ATP9A: variants seen among roughly 807,000 people sequenced by gnomAD.
ATP9A encodes probable phospholipid-transporting ATPase IIA.
Under a neutral mutation model 144.1 loss-of-function variants are expected in ATP9A, and 52 were observed. The ratio of observed to expected loss-of-function variants is 0.36; its 90% confidence interval spans 0.29 to 0.45. The LOEUF (loss-of-function observed/expected upper bound fraction) is 0.45. Among genes scored for constraint, ATP9A ranks in the 20% least tolerant of loss-of-function variants. ATP9A has a pLI of 1.00. For synonymous variants in ATP9A, 582 were observed against 557.4 expected (o/e 1.04, Z -0.62); for missense variants, 947 against 1,392.7 (o/e 0.68, Z 5.09).
chr20:51,759,138 G>A (rs965669865), intron 1 of ATP9A, among the ~76,000 whole-genome samples: 6 of 152,224 alleles, frequency 3.9e-5, no homozygotes, highest in Admixed American at 2.6e-4. Flanking sequence ...GCAGCTGGGC[G>A]CTGGCAGAGG....
At chr20:51,720,610 G>A (rs1164043248) in intron 3 of ATP9A, among the ~76,000 whole-genome samples, 4 of 152,160 alleles carry the variant, frequency 2.6e-5, no homozygotes, top group African/African-American at 9.7e-5. Context: ...AAGGTGGACG[G>A]ATCACTTGAG....
intron 26 of ATP9A, 128 bp downstream of exon 26, chr20:51,607,399 G>T: frequency 1.3e-6 from 1 of 785,792 alleles, no homozygotes; most frequent in Non-Finnish European, 2.1e-6. Flanking sequence ...TCTCCCCTGG[G>T]TCCCACTGCC....
chr20:51,605,694 C>T (rs561557182), intron 26 of ATP9A, among the ~76,000 whole-genome samples: 1 of 152,190 alleles, frequency 6.6e-6, no homozygotes, highest in South Asian at 2.1e-4. Flanking sequence ...GGGCGGATCA[C>T]TGGAGGCCAG....
At chr20:51,671,407 G>T in intron 11 of ATP9A, 150 bp from the exon 12 acceptor site, 1 of 793,310 alleles carries the variant, frequency 1.3e-6, no homozygotes, top group African/African-American at 1.7e-5. Flanking sequence ...CACAGACTCA[G>T]CAAGAGCCAG....
intron 4 of ATP9A, among the ~76,000 whole-genome samples, chr20:51,705,722 TAATCGAGGC>T (rs1160950382): frequency 2.0e-5 from 3 of 152,248 alleles, no homozygotes; most frequent in Non-Finnish European, 2.9e-5. Context: ...CCACCTGTGA[TAATCGAGGC>T]AACCCCCCAC....
chr20:51,714,626 C>T (rs913091991), intron 3 of ATP9A, among the ~76,000 whole-genome samples: 2 of 152,154 alleles, frequency 1.3e-5, no homozygotes, highest in African/African-American at 4.8e-5. Context: ...CCTCGGCCTC[C>T]CAAAGTGCTG....
intron 13 of ATP9A, among the ~76,000 whole-genome samples, chr20:51,657,793 A>G (rs1404617263): frequency 6.6e-6 from 1 of 152,226 alleles, no homozygotes; most frequent in Non-Finnish European, 1.5e-5. Flanking sequence ...CGTCAGGAAC[A>G]GCCAGAGGAA....
At chr20:51,712,377 A>T (rs1199962565) in intron 4 of ATP9A, among the ~76,000 whole-genome samples, 6 of 152,022 alleles carry the variant, frequency 3.9e-5, no homozygotes, top group African/African-American at 1.2e-4. Context: ...CTGGGCCAAA[A>T]TTTCAATTTT....
At chr20:51,690,966 A>G in intron 7 of ATP9A, 147 bp from the exon 8 acceptor site, 1 of 681,790 alleles carries the variant, frequency 1.5e-6, no homozygotes, top group Non-Finnish European at 2.6e-6. Flanking sequence ...AAGAAGAGGA[A>G]AGTCCTCTGT....
intron 23 of ATP9A, among the ~76,000 whole-genome samples, chr20:51,612,813 C>A (rs1361646952): frequency 2.0e-5 from 3 of 152,132 alleles, no homozygotes; most frequent in African/African-American, 7.2e-5. Context: ...AAGATGGGAA[C>A]AAGATGTTAA....
intron 9 of ATP9A, among the ~76,000 whole-genome samples, chr20:51,686,830 G>A (rs915524602): frequency 2.6e-5 from 4 of 152,048 alleles, no homozygotes; most frequent in Non-Finnish European, 5.9e-5. Flanking sequence ...AGCTACTGGA[G>A]AGGCTGAGGC....
At chr20:51,679,589 A>T (rs1463773669) in intron 9 of ATP9A, among the ~76,000 whole-genome samples, 1 of 152,076 alleles carries the variant, frequency 6.6e-6, no homozygotes, top group Non-Finnish European at 1.5e-5. Context: ...TCACCTCTGC[A>T]GCCCCTCCTT....
At position 51,627,607 on chromosome 20, in the gene ATP9A, T is replaced by A; in HGVS notation, c.1838A>T (p.Asp613Val). The A allele has an allele frequency of 1.2e-6, 2 of 1,614,092 alleles. No individual in the cohort carries two copies. The highest frequency in any genetic ancestry group is 1.7e-6 in the Non-Finnish European group (2 of 1,179,968). The part of the protein sequence containing the change: ...KKSLAEEQYQ[D>V]FEARYVQAKL... ...GGTCCCAGAACAACTTACTTCAAAGTCCTGATACTGCTCCTCTGCAAGAGA... is the reference window on the plus strand; with the variant it reads ...GGTCCCAGAACAACTTACTTCAAAGACCTGATACTGCTCCTCTGCAAGAGA... Residue 613 changes from aspartate to valine, a missense_variant, in exon 17 of 28, where the codon GAC becomes GTC. Around this residue, in one of 2 missense-constraint regions of ATP9A, gnomAD observed 770 missense variants for 1,047.9 expected, o/e 0.73. Coordinates refer to ENST00000338821, the MANE Select transcript of ATP9A (RefSeq NM_006045.3).
At chr20:51,619,114 C>T in intron 19 of ATP9A, 71 bp from the exon 20 acceptor site, 1 of 1,374,440 alleles carries the variant, frequency 7.3e-7, no homozygotes, top group Non-Finnish European at 1.0e-6. Flanking sequence ...CAGTGGCTTC[C>T]AGGAGCCCAC....
chr20:51,718,852 G>T, intron 3 of ATP9A, among the ~76,000 whole-genome samples: 1 of 108,156 alleles, frequency 9.2e-6, no homozygotes, highest in Non-Finnish European at 1.9e-5. Context: ...AAAACAGGCC[G>T]GGTGCAGTAG....
chr20:51,713,790 T>C (rs1274455333), intron 3 of ATP9A, among the ~76,000 whole-genome samples: 1 of 152,206 alleles, frequency 6.6e-6, no homozygotes, highest in East Asian at 1.9e-4. Context: ...AAAGATTCTA[T>C]ACAATTAAAT....
chr20:51,702,365 C>CGTGTGTGTGTGTGTGTGTGT (rs10578719), intron 4 of ATP9A, among the ~76,000 whole-genome samples: 2 of 130,220 alleles, frequency 1.5e-5, no homozygotes, highest in East Asian at 4.3e-4. Flanking sequence ...TGTGTGTGTT[C>CGTGTGTGTGTGTGTGTGTGT]GTGTGTGTGT....
chr20:51,637,306 T>TAAAAAAAAAAAAAAAAAAA (rs3029335), intron 15 of ATP9A, among the ~76,000 whole-genome samples: 1 of 89,946 alleles, frequency 1.1e-5, no homozygotes, highest in Non-Finnish European at 2.0e-5. Context: ...TCCCTAACAT[T>TAAAAAAAAAAAAAAAAAAA]AAAAAAAAAA....
intron 13 of ATP9A, among the ~76,000 whole-genome samples, chr20:51,667,142 G>A (rs1308572124): frequency 2.6e-5 from 4 of 152,208 alleles, no homozygotes; most frequent in African/African-American, 9.6e-5. Context: ...AGGAGTATGA[G>A]GTGAGGTTCA....
Sources: allele counts gnomAD v4.1 joint callset (sites outside exome capture counted in the v4.1 genomes callset), GRCh38; gene constraint gnomAD v4.1.1; regional missense constraint gnomAD v4.1.1; transcripts MANE v1.5; gene names NCBI Gene and HGNC (gene_info 2026-07-23, HGNC 2026-07-21).